Variants in NAALADL2 observed in about 807,000 individuals in gnomAD.
NAALADL2 encodes the protein N-acetylated alpha-linked acidic dipeptidase like 2, also known as inactive N-acetylated-alpha-linked acidic dipeptidase-like protein 2.
NAALADL2 carries 76 observed loss-of-function variants against 87.2 expected under a neutral mutation model. That is an observed-to-expected ratio of 0.87 (90% CI 0.72 to 1.05). The LOEUF (loss-of-function observed/expected upper bound fraction) is 1.05, where lower values mean the gene tolerates loss of function less well. Ranked by LOEUF, NAALADL2 falls within the 50% of genes least tolerant of loss-of-function variation. The probability of loss-of-function intolerance (pLI) is 0.00; values close to 1 mark genes in which losing one functional copy is unlikely to be tolerated. For missense variants in NAALADL2, 1,089 were observed against 945.8 expected (o/e 1.15, Z -1.99); for synonymous variants, 354 against 331.0 (o/e 1.07, Z -0.75).
intron 3 of NAALADL2, chr3:175,234,866 T>C (rs1745555382): frequency 6.6e-6 from 1 of 152,056 alleles, no homozygotes; most frequent in Non-Finnish European, 1.5e-5. Flanking sequence ...TGTATTGGAG[T>C]CAATAATAGT....
rs574836598 is a variant in NAALADL2 at position 174,623,037 on chromosome 3, C to T, written c.-115+72400C>T. Among the ~76,000 whole-genome samples, 131 of 151,992 alleles carry T rather than the reference C, an allele frequency of 8.6e-4. 1 individual carries two copies. The highest frequency in any genetic ancestry group is 1.2e-4 in the Non-Finnish European group (8 of 67,952). ...CAGCCTGGACGACAGAGTGAGACTCCGTCTCAAAAAAAAAGAGGACTCATC... is the reference window on the plus strand; with the variant it reads ...CAGCCTGGACGACAGAGTGAGACTCTGTCTCAAAAAAAAAGAGGACTCATC... On this transcript the variant is annotated intron_variant, in intron 2 of 3. Coordinates refer to the NAALADL2 transcript ENST00000434257.
chr3:175,094,733 T>A (rs1404072677), intron 1 of NAALADL2, among the ~76,000 whole-genome samples: 1 of 128,992 alleles, frequency 7.8e-6, no homozygotes, highest in African/African-American at 2.7e-5. Context: ...GACTAAATGT[T>A]AAAAAAAAAG....
chr3:175,520,070 CAT>C (rs1377239817), intron 9 of NAALADL2, among the ~76,000 whole-genome samples: 1 of 152,054 alleles, frequency 6.6e-6, no homozygotes, highest in East Asian at 1.9e-4. Context: ...TTAAGGGAGA[CAT>C]GTCTTAGTAA....
intron 5 of NAALADL2, among the ~76,000 whole-genome samples, chr3:175,416,362 G>A (rs1219575591): frequency 6.6e-6 from 1 of 152,038 alleles, no homozygotes; most frequent in Non-Finnish European, 1.5e-5. Context: ...TTTTTAATTG[G>A]ATATAGCAAA....
At chr3:175,799,472 A>C (rs558240848) in intron 13 of NAALADL2, among the ~76,000 whole-genome samples, 1 of 152,174 alleles carries the variant, frequency 6.6e-6, no homozygotes, top group East Asian at 1.9e-4. Flanking sequence ...TAGATTATGA[A>C]TGTAAATATG....
chr3:174,521,592 A>AG (rs1420385566), intron 1 of NAALADL2, among the ~76,000 whole-genome samples: 1 of 150,592 alleles, frequency 6.6e-6, no homozygotes, highest in Non-Finnish European at 1.5e-5. Flanking sequence ...AAAAAAAAAA[A>AG]AAAAGAAAAG....
intron 2 of NAALADL2, among the ~76,000 whole-genome samples, chr3:175,190,083 G>A (rs780179522): frequency 6.6e-6 from 1 of 151,702 alleles, no homozygotes; most frequent in Non-Finnish European, 1.5e-5. Context: ...TTAAACATAA[G>A]ATCTGAAACC....
intron 2 of NAALADL2, among the ~76,000 whole-genome samples, chr3:175,203,755 A>G (rs1336084713): frequency 6.6e-6 from 1 of 152,202 alleles, no homozygotes; most frequent in Non-Finnish European, 1.5e-5. Flanking sequence ...TAAAAGAAAC[A>G]GGAGATATTA....
intron 4 of NAALADL2, among the ~76,000 whole-genome samples, chr3:175,301,065 C>G (rs1384779154): frequency 1.3e-5 from 2 of 152,048 alleles, no homozygotes; most frequent in African/African-American, 4.8e-5. Flanking sequence ...TGATTCTTTG[C>G]TTTTTTGAAG....
chr3:175,410,090 A>G (rs934138259), intron 5 of NAALADL2, among the ~76,000 whole-genome samples: 1 of 152,162 alleles, frequency 6.6e-6, no homozygotes, highest in Non-Finnish European at 1.5e-5. Context: ...CATTTTGTAT[A>G]TCAGGAAATA....
Position 175,741,585 on chromosome 3 carries a change from G to GT in NAALADL2, c.1990+4196dup, listed in dbSNP as rs762745438. On this transcript the variant is annotated intron_variant, in intron 12 of 13. Transcript: ENST00000454872. ...TAGATTAGAAAAACATAAAATAGCT[G>GT]TTTTTTTTTTAGGAGGGTAAGAAAG... is the stretch of plus-strand genomic sequence containing the variant. Among the ~76,000 whole-genome samples the GT allele has an allele frequency of 4.3e-3, 628 of 146,282 alleles. 2 individuals are homozygous for GT. The highest frequency in any genetic ancestry group is 0.011 in the African/African-American group (456 of 40,164).
At chr3:175,266,419 A>C (rs1751941492) in intron 4 of NAALADL2, among the ~76,000 whole-genome samples, 1 of 151,582 alleles carries the variant, frequency 6.6e-6, no homozygotes. Flanking sequence ...AGAAGACTTA[A>C]ATTTTGCCTA....
chr3:175,424,042 C>T (rs527898821), intron 5 of NAALADL2, among the ~76,000 whole-genome samples: 2 of 152,122 alleles, frequency 1.3e-5, no homozygotes, highest in African/African-American at 2.4e-5. Context: ...TTTCATGTGC[C>T]TTTTGGCTGC....
intron 1 of NAALADL2, among the ~76,000 whole-genome samples, chr3:174,890,741 A>G (rs942036300): frequency 7.9e-5 from 12 of 152,184 alleles, no homozygotes; most frequent in Admixed American, 6.5e-4. Context: ...GTGTTTGTTT[A>G]TATATCATTT....
In NAALADL2 at chr3:175,465,560, G is replaced by A. The variant is rs560297413; in HGVS notation, c.1328-1419G>A. On this transcript the variant is annotated intron_variant, in intron 7 of 13. Transcript: ENST00000454872. ...ACGATCTTCGCTCATTGCATCCTCC[G>A]CCTCTGAGGTTCAAGCAATTCCCTG... Among the ~76,000 whole-genome samples the A allele has an allele frequency of 5.2e-4, 74 of 143,172 alleles. 1 individual carries two copies. Among genetic ancestry groups the A allele is most frequent in the Middle Eastern group, 7.6e-3 (2 of 264 alleles). The allele number at this position is 143,172 out of a possible 152,430, so 93.9% of individuals were successfully genotyped here.
intron 4 of NAALADL2, among the ~76,000 whole-genome samples, chr3:175,301,559 A>G (rs141264014): frequency 8.8e-4 from 134 of 152,330 alleles, no homozygotes; most frequent in African/African-American, 2.9e-3. Flanking sequence ...ATACTAAAGC[A>G]TAGTCAATTG....
chr3:175,330,762 T>C (rs906978855), intron 5 of NAALADL2, among the ~76,000 whole-genome samples: 2 of 151,962 alleles, frequency 1.3e-5, no homozygotes, highest in African/African-American at 4.8e-5. Flanking sequence ...AAAGCAAGAA[T>C]AAGCCAAACC....
intron 2 of NAALADL2, among the ~76,000 whole-genome samples, chr3:174,683,413 A>T (rs936357536): frequency 2.6e-5 from 4 of 152,190 alleles, no homozygotes; most frequent in African/African-American, 9.6e-5. Context: ...AAAATTAAAC[A>T]TAACCACTTT....
chr3:175,625,861 G>A (rs927635799), intron 10 of NAALADL2, among the ~76,000 whole-genome samples: 1 of 151,944 alleles, frequency 6.6e-6, no homozygotes, highest in Non-Finnish European at 1.5e-5. Context: ...ACTTATCCCA[G>A]TGCTGATACA....
Sources: gnomAD v4.1 joint callset for allele counts (sites outside exome capture counted in the v4.1 genomes callset) on GRCh38, gnomAD v4.1.1 for gene constraint, MANE v1.5 for transcripts, NCBI Gene and HGNC (gene_info 2026-07-23, HGNC 2026-07-21) for gene names.